Variants in PIWIL1 observed in about 807,000 individuals in gnomAD.
PIWIL1 encodes the protein piwi-like protein 1.
Under a neutral mutation model 114.4 loss-of-function variants are expected in PIWIL1, and 73 were observed. The ratio of observed to expected loss-of-function variants is 0.64; its 90% CI spans 0.53 to 0.78. The LOEUF (loss-of-function observed/expected upper bound fraction) is 0.78, where lower values mean the gene tolerates loss of function less well. Among genes scored for constraint, PIWIL1 ranks in the 30% least tolerant of loss-of-function variants. PIWIL1 has a pLI of 0.00. For synonymous variants in PIWIL1, 375 were observed against 369.0 expected (o/e 1.02, Z -0.19); for missense variants, 723 against 1,063.1 (o/e 0.68, Z 4.45).
chr12:130,415,980 A>ACAC, the PIWIL1 span, among the ~76,000 whole-genome samples: 43,250 of 149,304 alleles, frequency 0.29, 6,136 homozygotes, highest in East Asian at 0.35. Flanking sequence ...CACACACACA[A>ACAC]AATATACAGA....
intron 18 of PIWIL1, among the ~76,000 whole-genome samples, chr12:130,363,635 T>TTTTTTTA (rs71088738): frequency 7.2e-6 from 1 of 138,872 alleles, no homozygotes. Context: ...TTTTTTTTTT[T>TTTTTTTA]GAGATGGAGT....
chr12:130,424,146 G>C, the PIWIL1 span: 1 of 1,229,318 alleles, frequency 8.1e-7, no homozygotes, highest in Non-Finnish European at 1.0e-6. This position sits in a 1 kb window ranked among gnomAD's most constrained non-coding sequence, Gnocchi z 9.8. Flanking sequence ...ACACACCAGG[G>C]GGCCTTGTGC....
chr12:130,354,717 T>G, intron 10 of PIWIL1, 54 bp downstream of exon 10: 1 of 1,531,224 alleles, frequency 6.5e-7, no homozygotes, highest in Non-Finnish European at 8.8e-7. Context: ...ACCCTTTCTT[T>G]CCTAGGAGTC....
chr12:130,360,893 G>A (rs567069452), intron 14 of PIWIL1, among the ~76,000 whole-genome samples: 61 of 152,224 alleles, frequency 4.0e-4, no homozygotes, highest in Middle Eastern at 3.4e-3. Flanking sequence ...TTCTGTGCTG[G>A]TTACATAGAG....
intron 5 of PIWIL1, 42 bp downstream of exon 5, chr12:130,346,626 C>A: frequency 6.8e-7 from 1 of 1,466,260 alleles, no homozygotes; most frequent in Non-Finnish European, 9.5e-7. Flanking sequence ...CACTTCAAAG[C>A]AGAACTACCA....
the PIWIL1 span, among the ~76,000 whole-genome samples, chr12:130,384,059 A>AG: frequency 6.6e-6 from 1 of 152,184 alleles, no homozygotes; most frequent in Non-Finnish European, 1.5e-5. Context: ...TACTCTGTTT[A>AG]GTGTTCCTCC....
At chr12:130,421,689 ATATGTGTGTGTG>A in the PIWIL1 span, among the ~76,000 whole-genome samples, 6 of 106,954 alleles carry the variant, frequency 5.6e-5, no homozygotes, top group Non-Finnish European at 1.0e-4. Flanking sequence ...CCCTGCATTT[ATATGTGTGTGTG>A]TGTGTGTGTG....
At chr12:130,359,516 A>C (rs1179677660) in intron 14 of PIWIL1, among the ~76,000 whole-genome samples, 1 of 152,166 alleles carries the variant, frequency 6.6e-6, no homozygotes, top group Non-Finnish European at 1.5e-5. Context: ...GTGTCTCACA[A>C]GTAGTCCTTT....
intron 19 of PIWIL1, 32 bp downstream of exon 19, chr12:130,367,290 T>A (rs746343368): frequency 6.3e-7 from 1 of 1,587,738 alleles, no homozygotes; most frequent in Non-Finnish European, 8.6e-7. Context: ...GAAGGTTGTT[T>A]TCTCCTTGGT....
chr12:130,393,537 T>TAC, the PIWIL1 span, among the ~76,000 whole-genome samples: 17 of 116,916 alleles, frequency 1.5e-4, no homozygotes, highest in South Asian at 2.9e-4. Flanking sequence ...GTGCATCAGT[T>TAC]CTGGTGAATA....
downstream of PIWIL1, among the ~76,000 whole-genome samples, chr12:130,376,711 C>G (rs2073869362): frequency 6.6e-6 from 1 of 152,238 alleles, no homozygotes; most frequent in African/African-American, 2.4e-5. Flanking sequence ...TACCTGTCCA[C>G]TAATCCTGTC....
At chr12:130,412,672 T>C in the PIWIL1 span, 1 of 1,613,918 alleles carries the variant, frequency 6.2e-7, no homozygotes, top group East Asian at 2.2e-5. Flanking sequence ...AAGAAGCTGA[T>C]CCATCATCTC....
the PIWIL1 span, among the ~76,000 whole-genome samples, chr12:130,421,893 C>G: frequency 6.6e-6 from 1 of 152,274 alleles, no homozygotes; most frequent in Non-Finnish European, 1.5e-5. Context: ...TGGCTGAATT[C>G]CAAAAAGTCA....
the PIWIL1 span, among the ~76,000 whole-genome samples, chr12:130,380,761 CAT>C: frequency 6.6e-6 from 1 of 152,168 alleles, no homozygotes; most frequent in African/African-American, 2.4e-5. Context: ...AACACAGAAT[CAT>C]GTGTTGAGGA....
chr12:130,344,583 C>G (rs192440081), intron 3 of PIWIL1, among the ~76,000 whole-genome samples: 231 of 152,310 alleles, frequency 1.5e-3, no homozygotes, highest in Non-Finnish European at 2.6e-3. Flanking sequence ...TGTTATTTCT[C>G]TAAGGAAGTC....
At chr12:130,405,403 G>A in the PIWIL1 span, among the ~76,000 whole-genome samples, 2 of 152,178 alleles carry the variant, frequency 1.3e-5, no homozygotes, top group African/African-American at 2.4e-5. Context: ...AGTTCTTGCC[G>A]ATTCTGATAA....
chr12:130,343,100 A>G lies in PIWIL1; in HGVS notation c.189A>G (p.Gln63=), dbSNP rs2072970933. The G allele has an allele frequency of 1.2e-6, 2 of 1,606,542 alleles. No individual in the cohort carries two copies. Among genetic ancestry groups the G allele is most frequent in the Non-Finnish European group, 1.7e-6 (2 of 1,175,304 alleles). The change falls in exon 3 of 21, where the codon CAA becomes CAG. Residue 63 remains glutamine, a splice_region_variant and synonymous_variant. Coordinates refer to ENST00000245255, the MANE Select transcript of PIWIL1 (RefSeq NM_004764.5). ...CAGCAGGAGGAACAGCCAAGTCACA[A>G]GGTGAAGAGAAAGTAAAAGGAAGTC... ...RGTAGGTAKS[Q]GLQISAGFQE...
At chr12:130,384,886 G>GAAGAATAAAACAA in the PIWIL1 span, among the ~76,000 whole-genome samples, 216 of 152,062 alleles carry the variant, frequency 1.4e-3, 1 homozygote, top group African/African-American at 5.2e-3. Context: ...TGCTCATCTT[G>GAAGAATAAAACAA]AAGTTATTTA....
At chr12:130,342,180 G>GTGTGTGTGTC (rs58483199) in intron 1 of PIWIL1, 29,030 of 182,704 alleles carry the variant, frequency 0.16, 2,638 homozygotes, top group African/African-American at 0.18. Flanking sequence ...GTGTGTGTGT[G>GTGTGTGTGTC]TGTGTGTGTG....
Sources: gnomAD v4.1 joint callset for allele counts (sites outside exome capture counted in the v4.1 genomes callset) on GRCh38, gnomAD v4.1.1 for gene constraint, Gnocchi (gnomAD v3.1) non-coding constraint, MANE v1.5 for transcripts, NCBI Gene and HGNC (gene_info 2026-07-23, HGNC 2026-07-21) for gene names.